DSCAM: variants seen among roughly 807,000 people sequenced by gnomAD.
DSCAM encodes cell adhesion molecule DSCAM.
DSCAM carries 47 observed loss-of-function variants against 217.7 expected under a neutral mutation model. The observed-to-expected ratio is 0.22, with a 90% CI of 0.17 to 0.28. The LOEUF is 0.28. DSCAM is among the 10% of genes least tolerant of loss of function. DSCAM has a pLI of 1.00. For missense variants in DSCAM, 2,080 were observed against 2,618.3 expected (o/e 0.79, Z 4.49); for synonymous variants, 1,056 against 1,015.3 (o/e 1.04, Z -0.76).
At chr21:40,137,636 CACACACACAT>C (rs1429851500) in intron 18 of DSCAM, among the ~76,000 whole-genome samples, 3,076 of 142,396 alleles carry the variant, frequency 0.022, 114 homozygotes, top group African/African-American at 0.07. Context: ...CACACACACA[CACACACACAT>C]TAACTGAAGT....
intron 1 of DSCAM, among the ~76,000 whole-genome samples, chr21:40,771,516 G>A (rs187848491): frequency 3.2e-4 from 49 of 152,284 alleles, no homozygotes; most frequent in Middle Eastern, 3.4e-3. Flanking sequence ...ACCTACACGG[G>A]GGAAGGCTTC....
At chr21:40,839,415 T>C (rs1323233354) in intron 1 of DSCAM, among the ~76,000 whole-genome samples, 2 of 152,252 alleles carry the variant, frequency 1.3e-5, no homozygotes, top group East Asian at 1.9e-4. Context: ...GCAAGGCTTA[T>C]TGCAGAATAA....
intron 27 of DSCAM, among the ~76,000 whole-genome samples, chr21:40,063,687 C>T (rs1317152244): frequency 6.6e-6 from 1 of 152,202 alleles, no homozygotes; most frequent in East Asian, 1.9e-4. Context: ...ACAGAACTTT[C>T]CGGAAATGGA....
chr21:40,557,863 C>A (rs1171419958), intron 3 of DSCAM, among the ~76,000 whole-genome samples: 2 of 152,116 alleles, frequency 1.3e-5, no homozygotes, highest in South Asian at 2.1e-4. Flanking sequence ...TATATACACA[C>A]GCACTGATAT....
At chr21:40,765,022 G>T (rs2091373394) in intron 1 of DSCAM, among the ~76,000 whole-genome samples, 1 of 151,880 alleles carries the variant, frequency 6.6e-6, no homozygotes, top group Non-Finnish European at 1.5e-5. Flanking sequence ...AACCGAGATG[G>T]GTTGATAGGT....
chr21:40,402,792 T>C (rs1044680342), intron 3 of DSCAM, among the ~76,000 whole-genome samples: 1 of 152,144 alleles, frequency 6.6e-6, no homozygotes, highest in African/African-American at 2.4e-5. Flanking sequence ...GTTCTCATTA[T>C]ACTAACCATT....
At chr21:40,481,409 G>C (rs547026599) in intron 3 of DSCAM, among the ~76,000 whole-genome samples, 96 of 151,452 alleles carry the variant, frequency 6.3e-4, no homozygotes, top group African/African-American at 2.2e-3. Flanking sequence ...AGAATGGCAT[G>C]AACCCGGGAG....
At chr21:40,136,408 G>A (rs2090209643) in intron 18 of DSCAM, among the ~76,000 whole-genome samples, 1 of 152,102 alleles carries the variant, frequency 6.6e-6, no homozygotes, top group Non-Finnish European at 1.5e-5. Flanking sequence ...TGGAGCCCAG[G>A]AACTGGAGGC....
chr21:40,033,554 C>A (rs13050865), intron 32 of DSCAM, among the ~76,000 whole-genome samples: 1 of 149,200 alleles, frequency 6.7e-6, no homozygotes, highest in Non-Finnish European at 1.5e-5. Flanking sequence ...ATTGCTAGCA[C>A]AGCAGTCTGA....
At chr21:40,599,711 T>C (rs531889711) in intron 3 of DSCAM, among the ~76,000 whole-genome samples, 19 of 152,180 alleles carry the variant, frequency 1.2e-4, no homozygotes, top group Admixed American at 1.0e-3. Context: ...GATAGATTGC[T>C]AGATAGACTA....
chr21:40,068,060 G>A (rs917953652), intron 27 of DSCAM, among the ~76,000 whole-genome samples: 5 of 151,942 alleles, frequency 3.3e-5, no homozygotes, highest in Non-Finnish European at 5.9e-5. Flanking sequence ...TTCCATCCTT[G>A]GCTCTGGGCT....
intron 1 of DSCAM, among the ~76,000 whole-genome samples, chr21:40,816,173 A>G (rs1477899152): frequency 6.6e-6 from 1 of 152,240 alleles, no homozygotes; most frequent in African/African-American, 2.4e-5. Context: ...TCAAAGTGCT[A>G]TAAGTGCTGT....
intron 1 of DSCAM, among the ~76,000 whole-genome samples, chr21:40,730,702 T>C (rs2091002958): frequency 6.6e-6 from 1 of 151,460 alleles, no homozygotes; most frequent in Non-Finnish European, 1.5e-5. Flanking sequence ...CAACACAAAC[T>C]GCAAGAGAGG....
intron 24 of DSCAM, among the ~76,000 whole-genome samples, chr21:40,082,547 CA>C (rs34360966): frequency 0.7 from 106,151 of 151,994 alleles, 37,248 homozygotes; most frequent in South Asian, 0.82. Context: ...TGGGTCCTTG[CA>C]AGCTTCTTGG....
At chr21:40,123,852 AG>A (rs1276772208) in intron 20 of DSCAM, among the ~76,000 whole-genome samples, 30 of 152,220 alleles carry the variant, frequency 2.0e-4, no homozygotes, top group Admixed American at 1.1e-3. Context: ...TATCATGATG[AG>A]TCCAACAGTA....
rs199628592 is a variant in DSCAM at position 40,626,407 on chromosome 21, C to T, written c.508+66403G>A. The stretch of plus-strand genomic sequence containing the variant: ...TGCACCCATACTTTCCCCTCTACAA[C>T]GTACTCCCCATCTCTAGTAGCAAGT... On this transcript the variant is annotated intron_variant, in intron 3 of 32. Coordinates refer to ENST00000400454, the MANE Select transcript of DSCAM (RefSeq NM_001389.5). 4.7e-4 allele frequency among the ~76,000 whole-genome samples: 71 copies of T among 152,298 alleles called. 1 individual carries two copies. The South Asian group carries it at 9.1e-3, about 20-fold the overall frequency.
chr21:40,130,630 T>G (rs148836489), intron 19 of DSCAM, among the ~76,000 whole-genome samples: 86 of 152,276 alleles, frequency 5.6e-4, no homozygotes, highest in Middle Eastern at 3.4e-3. Context: ...AGACTATAGT[T>G]ATGGATAAGA....
chr21:40,508,938 G>C (rs1387182901), intron 3 of DSCAM, among the ~76,000 whole-genome samples: 1 of 150,852 alleles, frequency 6.6e-6, no homozygotes, highest in Non-Finnish European at 1.5e-5. Flanking sequence ...TGTCCAGCCA[G>C]AAAAACAACA....
intron 3 of DSCAM, among the ~76,000 whole-genome samples, chr21:40,455,040 A>C (rs558270459): frequency 1.4e-4 from 22 of 152,180 alleles, no homozygotes; most frequent in Non-Finnish European, 3.1e-4. Context: ...GATGACTCCT[A>C]CTAATCTAGT....
Sources: gnomAD v4.1 joint callset for allele counts (sites outside exome capture counted in the v4.1 genomes callset) on GRCh38, gnomAD v4.1.1 for gene constraint, MANE v1.5 for transcripts, NCBI Gene and HGNC (gene_info 2026-07-23, HGNC 2026-07-21) for gene names.